ASTN1: variants seen among roughly 807,000 people sequenced by gnomAD.
The protein encoded by ASTN1 is astrotactin-1.
ASTN1 carries 41 observed loss-of-function variants against 140.7 expected under a neutral mutation model. That is an observed-to-expected ratio of 0.29 (90% CI 0.23 to 0.38). The LOEUF (loss-of-function observed/expected upper bound fraction) is 0.38, where lower values mean the gene tolerates loss of function less well. ASTN1 is among the 10% of genes least tolerant of loss of function. ASTN1 has a pLI of 1.00. For synonymous variants in ASTN1, 640 were observed against 652.2 expected, an observed-to-expected ratio of 0.98 and a Z score of 0.29; for missense variants, 1,479 against 1,678.8, an observed-to-expected ratio of 0.88 and a Z score of 2.08.
At chr1:177,159,629 T>A (rs1367551100) in intron 1 of ASTN1, among the ~76,000 whole-genome samples, 1 of 152,228 alleles carries the variant, frequency 6.6e-6, no homozygotes. Context: ...AAATAAGTTC[T>A]AAGCACAAGA....
At chr1:177,078,451 G>A (rs542668932) in intron 1 of ASTN1, among the ~76,000 whole-genome samples, 19 of 152,124 alleles carry the variant, frequency 1.2e-4, no homozygotes, top group African/African-American at 4.1e-4. Flanking sequence ...TTCTGAACTC[G>A]GGCACCTCAC....
chr1:177,000,038 G>A (rs1261453052), intron 8 of ASTN1, among the ~76,000 whole-genome samples: 1 of 152,090 alleles, frequency 6.6e-6, no homozygotes, highest in Non-Finnish European at 1.5e-5. Context: ...AAAGAAGAAG[G>A]GATAGCTAAT....
intron 1 of ASTN1, among the ~76,000 whole-genome samples, chr1:177,160,572 G>A (rs1316421700): frequency 6.6e-6 from 1 of 152,162 alleles, no homozygotes; most frequent in Non-Finnish European, 1.5e-5. Flanking sequence ...TAATGAGGCT[G>A]ATATAAAAAT....
intron 19 of ASTN1, among the ~76,000 whole-genome samples, chr1:176,883,400 T>C (rs1225820481): frequency 1.3e-5 from 2 of 152,142 alleles, no homozygotes; most frequent in Non-Finnish European, 2.9e-5. Context: ...TTCACCATGT[T>C]GGTCAGGATG....
At chr1:177,138,562 A>G (rs1473914717) in intron 1 of ASTN1, among the ~76,000 whole-genome samples, 1 of 152,138 alleles carries the variant, frequency 6.6e-6, no homozygotes, top group Non-Finnish European at 1.5e-5. Context: ...CTGAGCCAAC[A>G]TGGCTCCACC....
rs1053968011 is a variant in ASTN1 at position 176,917,579 on chromosome 1, T to C, written c.2671+16573A>G. Among the ~76,000 whole-genome samples the C allele has an allele frequency of 3.9e-5, 6 of 152,250 alleles. No individual in the cohort carries two copies. The East Asian group carries it at 1.2e-3, about 30-fold the overall frequency. ...TTAGCAGAAGGGAAAACAAATGCAT[T>C]GCTTTGGGAGGGAAGGATGATGAAT... On this transcript the variant is annotated intron_variant, in intron 16 of 22. Coordinates refer to ENST00000361833, the MANE Select transcript of ASTN1 (RefSeq NM_004319.3).
chr1:176,893,196 G>C (rs925043490), intron 17 of ASTN1, among the ~76,000 whole-genome samples: 5 of 152,310 alleles, frequency 3.3e-5, no homozygotes, highest in Admixed American at 1.3e-4. Flanking sequence ...GGTTTTGCAT[G>C]AACTCTCTGA....
chr1:177,073,050 G>A (rs12750202), intron 1 of ASTN1, among the ~76,000 whole-genome samples: 60,955 of 152,008 alleles, frequency 0.4, 13,430 homozygotes, highest in Non-Finnish European at 0.5. Context: ...AAACAAAAGT[G>A]ACAGTAACTG....
intron 1 of ASTN1, among the ~76,000 whole-genome samples, chr1:177,153,075 A>AT (rs1683106038): frequency 6.6e-6 from 1 of 152,138 alleles, no homozygotes; most frequent in Admixed American, 6.6e-5. Flanking sequence ...ACTTATTAAA[A>AT]TTTGATCCCC....
chr1:176,881,591 A>G (rs1485386518), intron 20 of ASTN1, among the ~76,000 whole-genome samples: 2 of 148,326 alleles, frequency 1.3e-5, no homozygotes, highest in African/African-American at 4.9e-5. Flanking sequence ...CCCCTCCAAT[A>G]AAGGGCCACA....
chr1:177,056,968 A>G (rs1348714820), intron 2 of ASTN1, among the ~76,000 whole-genome samples: 1 of 152,196 alleles, frequency 6.6e-6, no homozygotes, highest in Non-Finnish European at 1.5e-5. Flanking sequence ...CATTTGTTGA[A>G]GAGTTTGCAA....
chr1:177,028,818 T>C (rs1427277941), intron 5 of ASTN1, among the ~76,000 whole-genome samples: 1 of 152,254 alleles, frequency 6.6e-6, no homozygotes, highest in Non-Finnish European at 1.5e-5. Context: ...GCACAAGGTA[T>C]TGTTAACTCA....
intron 12 of ASTN1, 23 bp from the exon 13 acceptor site, chr1:176,946,143 A>G (rs1376681617): frequency 2.0e-6 from 3 of 1,525,886 alleles, no homozygotes; most frequent in Non-Finnish European, 1.8e-6. Context: ...AGAGCTCAAT[A>G]TAAGAAGTTA....
intron 1 of ASTN1, among the ~76,000 whole-genome samples, chr1:177,121,789 G>C (rs1001430494): frequency 7.2e-5 from 11 of 152,104 alleles, no homozygotes; most frequent in African/African-American, 2.4e-4. Flanking sequence ...TCCCTGCCAA[G>C]AGTCTAGGTT....
chr1:177,076,383 C>T (rs1332162802), intron 1 of ASTN1, among the ~76,000 whole-genome samples: 1 of 151,926 alleles, frequency 6.6e-6, no homozygotes. Flanking sequence ...GCCAGAAAAC[C>T]TACCCTGCCT....
At chr1:177,145,630 G>A (rs1180226782) in intron 1 of ASTN1, among the ~76,000 whole-genome samples, 3 of 152,148 alleles carry the variant, frequency 2.0e-5, no homozygotes, top group Non-Finnish European at 2.9e-5. Context: ...CAGACCTGGG[G>A]GCAGAAAGAG....
In ASTN1 at chr1:177,002,209, T is replaced by G. The variant is rs142533651; in HGVS notation, c.1523+12582A>C. Among the ~76,000 whole-genome samples the G allele has an allele frequency of 4.6e-3, 702 of 152,194 alleles. 7 individuals carry two copies. Among genetic ancestry groups the G allele is most frequent in the African/African-American group, 0.015 (630 of 41,510 alleles). Reference sequence around the variant, plus strand: ...AAACCACACAGAAAGGTTAATAAACTTGTTGAGAAGGGCCATAAAGGAAGG... The same window carrying G: ...AAACCACACAGAAAGGTTAATAAACGTGTTGAGAAGGGCCATAAAGGAAGG... On this transcript the variant is annotated intron_variant, in intron 8 of 22. Transcript: ENST00000361833.
chr1:176,953,821 C>G (rs563698833), intron 11 of ASTN1, among the ~76,000 whole-genome samples: 1 of 152,130 alleles, frequency 6.6e-6, no homozygotes, highest in African/African-American at 2.4e-5. Flanking sequence ...CCGATTTCTC[C>G]CCTTCCATGG....
intron 9 of ASTN1, 128 bp downstream of exon 9, chr1:176,965,035 T>C: frequency 1.2e-6 from 1 of 830,970 alleles, no homozygotes; most frequent in Non-Finnish European, 2.0e-6. Context: ...ACACTTTTGT[T>C]AGCAGGTGGT....
Sources: gnomAD v4.1 joint callset for allele counts (sites outside exome capture counted in the v4.1 genomes callset) on GRCh38, gnomAD v4.1.1 for gene constraint, MANE v1.5 for transcripts, NCBI Gene and HGNC (gene_info 2026-07-23, HGNC 2026-07-21) for gene names.